CDH13: variants seen among roughly 807,000 people sequenced by gnomAD.
The protein encoded by CDH13 is cadherin-13.
CDH13 carries 24 observed loss-of-function variants against 63.8 expected under a neutral mutation model. The observed-to-expected ratio is 0.38, with a 90% CI of 0.27 to 0.53. The LOEUF is 0.53. Ranked by LOEUF, CDH13 falls within the 20% of genes least tolerant of loss-of-function variation. The pLI, the probability that CDH13 is intolerant of heterozygous loss-of-function variation, is 0.85. For missense variants in CDH13, 1,049 were observed against 903.1 expected (o/e 1.16, Z -2.07); for synonymous variants, 503 against 355.3 (o/e 1.42, Z -4.67).
chr16:83,021,636 T>A (rs1002110245), intron 2 of CDH13, among the ~76,000 whole-genome samples: 12 of 152,204 alleles, frequency 7.9e-5, no homozygotes, highest in African/African-American at 2.7e-4. Context: ...GCTGACATGA[T>A]AGAATTGAAA....
chr16:83,260,125 C>G (rs2151834741), intron 5 of CDH13, among the ~76,000 whole-genome samples: 2 of 151,202 alleles, frequency 1.3e-5, no homozygotes, highest in African/African-American at 4.9e-5. Context: ...CACACACACA[C>G]ACACACACAC....
At chr16:82,742,054 A>C (rs1382536470) in intron 1 of CDH13, among the ~76,000 whole-genome samples, 1 of 152,222 alleles carries the variant, frequency 6.6e-6, no homozygotes, top group Non-Finnish European at 1.5e-5. Flanking sequence ...GCCCGGTTAT[A>C]TAAAATCATG....
intron 6 of CDH13, among the ~76,000 whole-genome samples, chr16:83,460,663 G>T (rs1381100602): frequency 6.6e-6 from 1 of 152,048 alleles, no homozygotes; most frequent in Non-Finnish European, 1.5e-5. Flanking sequence ...CAGATAAGAA[G>T]TAAAACTATG....
intron 4 of CDH13, among the ~76,000 whole-genome samples, chr16:83,149,175 T>A (rs183519214): frequency 1.3e-3 from 202 of 152,350 alleles, no homozygotes; most frequent in Middle Eastern, 3.4e-3. Flanking sequence ...ATTGAAATAT[T>A]CAGCAACTAA....
chr16:82,679,962 A>C lies in CDH13; in HGVS notation c.45+52825A>C, dbSNP rs1597303920. On this transcript the variant is annotated intron_variant, in intron 1 of 13. Transcript: ENST00000567109. ...CCTTCAGTATATCGTGATCTTCTTG[A>C]CGGTGGTGAAGAAGGACAAGGAAGA... is the stretch of plus-strand genomic sequence containing the variant. Among the ~76,000 whole-genome samples the C allele has an allele frequency of 6.6e-5, 10 of 152,292 alleles. No homozygotes were observed. The South Asian group carries it at 2.1e-3, about 32-fold the overall frequency.
intron 7 of CDH13, among the ~76,000 whole-genome samples, chr16:83,587,900 C>T (rs1020130415): frequency 6.6e-6 from 1 of 151,908 alleles, no homozygotes; most frequent in Non-Finnish European, 1.5e-5. Flanking sequence ...AGCCAGCCCC[C>T]AGCTGGCTTT....
intron 1 of CDH13, among the ~76,000 whole-genome samples, chr16:82,805,962 A>G (rs1331625725): frequency 2.6e-5 from 4 of 152,178 alleles, no homozygotes; most frequent in South Asian, 2.1e-4. Flanking sequence ...AGCAAAGTCC[A>G]TTCATTGTCT....
rs527611699 is a variant in CDH13, at chr16:83,063,398, A to G, written c.366+31180A>G. ...GTCAAAGCAGCCCAAGATTATCTCA[A>G]AATCAAGAGGAAGGGAAATAGATTC... On this transcript the variant is annotated intron_variant, in intron 3 of 13. Coordinates refer to ENST00000567109, the MANE Select transcript of CDH13 (RefSeq NM_001257.5). 1.2e-3 allele frequency among the ~76,000 whole-genome samples: 190 copies of G among 152,336 alleles called. 1 individual carries two copies. The highest frequency in any genetic ancestry group is 4.5e-3 in the African/African-American group (185 of 41,572).
chr16:83,303,002 TGTCATTTCCA>T (rs1469644721), intron 5 of CDH13, among the ~76,000 whole-genome samples: 1 of 152,226 alleles, frequency 6.6e-6, no homozygotes, highest in Non-Finnish European at 1.5e-5. Context: ...TCATGGCTGC[TGTCATTTCCA>T]GTCCAACAGT....
chr16:82,818,699 A>G (rs1010991708), intron 1 of CDH13, among the ~76,000 whole-genome samples: 4 of 152,300 alleles, frequency 2.6e-5, no homozygotes, highest in South Asian at 2.1e-4. Flanking sequence ...TTCCAAAAAA[A>G]AGGCAGTGAC....
At chr16:83,417,951 C>T (rs923151693) in intron 6 of CDH13, among the ~76,000 whole-genome samples, 1 of 152,110 alleles carries the variant, frequency 6.6e-6, no homozygotes, top group Admixed American at 6.6e-5. Flanking sequence ...CTCCCCACCC[C>T]CTTAACATGG....
chr16:82,819,739 C>T (rs1175235234), intron 1 of CDH13, among the ~76,000 whole-genome samples: 1 of 152,190 alleles, frequency 6.6e-6, no homozygotes, highest in Non-Finnish European at 1.5e-5. Context: ...TATTGAATGC[C>T]TATGCTTTTC....
chr16:82,849,591 A>G (rs117430289), intron 1 of CDH13, among the ~76,000 whole-genome samples: 5,612 of 152,320 alleles, frequency 0.037, 135 homozygotes, highest in Non-Finnish European at 0.055. Context: ...TCTAGCTAAG[A>G]TCATTGATGA....
intron 4 of CDH13, among the ~76,000 whole-genome samples, chr16:83,181,729 G>A (rs1187620744): frequency 6.6e-6 from 1 of 152,126 alleles, no homozygotes; most frequent in Non-Finnish European, 1.5e-5. Context: ...TTGGTCCCTG[G>A]ATGGACTTGA....
intron 1 of CDH13, among the ~76,000 whole-genome samples, chr16:82,782,866 C>A (rs945135773): frequency 3.9e-5 from 6 of 152,086 alleles, no homozygotes; most frequent in Non-Finnish European, 5.9e-5. Context: ...GGGGCCTGGG[C>A]GAGGTCTTTA....
At chr16:83,633,114 C>A (rs974520177) in intron 8 of CDH13, among the ~76,000 whole-genome samples, 28 of 152,294 alleles carry the variant, frequency 1.8e-4, no homozygotes, top group Middle Eastern at 3.4e-3. Context: ...TTTACTGCAA[C>A]CTGTTTTATC....
chr16:83,567,485 G>T (rs1320591934), intron 7 of CDH13, among the ~76,000 whole-genome samples: 1 of 152,200 alleles, frequency 6.6e-6, no homozygotes, highest in South Asian at 2.1e-4. Flanking sequence ...GTAAATGGCA[G>T]AGCTGGTGCA....
chr16:83,479,088 T>G (rs1242932581), intron 6 of CDH13, among the ~76,000 whole-genome samples: 2 of 152,200 alleles, frequency 1.3e-5, no homozygotes. Flanking sequence ...CCCTATCAAT[T>G]GCTGTCTACT....
chr16:83,705,990 G>T (rs76591242), intron 10 of CDH13, among the ~76,000 whole-genome samples: 2,179 of 152,238 alleles, frequency 0.014, 51 homozygotes, highest in African/African-American at 0.047. Flanking sequence ...CTTAGTGACT[G>T]GAAACAACAT....
Sources: allele counts gnomAD v4.1 joint callset (sites outside exome capture counted in the v4.1 genomes callset), GRCh38; gene constraint gnomAD v4.1.1; transcripts MANE v1.5; gene names NCBI Gene and HGNC (gene_info 2026-07-23, HGNC 2026-07-21).